The following ABL2 variants were observed in gnomAD, a reference collection of about 807,000 sequenced individuals.
ABL2 encodes tyrosine-protein kinase ABL2.
A neutral mutation model predicts 107.7 loss-of-function variants in ABL2; 49 were observed. That is an observed-to-expected ratio of 0.45 (90% confidence interval 0.36 to 0.58). The LOEUF is 0.58. Among genes scored for constraint, ABL2 ranks in the 20% least tolerant of loss-of-function variants. The pLI, the probability that ABL2 is intolerant of heterozygous loss-of-function variation, is 0.00. For missense variants in ABL2, 1,245 were observed against 1,457.0 expected, an observed-to-expected ratio of 0.85 and a Z score of 2.37; for synonymous variants, 549 against 548.6, an observed-to-expected ratio of 1.00 and a Z score of -0.01.
chr1:179,182,025 T>C (rs2102800217), intron 1 of ABL2, among the ~76,000 whole-genome samples: 1 of 146,588 alleles, frequency 6.8e-6, no homozygotes, highest in East Asian at 2.0e-4. Flanking sequence ...CTTGATCTCC[T>C]GACCTCATGA....
intron 3 of ABL2, among the ~76,000 whole-genome samples, chr1:179,129,684 A>G (rs1265113726): frequency 6.6e-6 from 1 of 151,186 alleles, no homozygotes; most frequent in Non-Finnish European, 1.5e-5. Context: ...TCTGTCTCAA[A>G]AAAAAAAAAA....
rs980810968 is a variant in ABL2, at chr1:179,145,594, C to T, written c.158-12220G>A. ...TGGAAAAGTGCATTACTTTAATGAA[C>T]GTGACAAACTAAGGCCAGAAGCAAA... On this transcript the variant is annotated intron_variant, in intron 1 of 11. Transcript: ENST00000502732. Among the ~76,000 whole-genome samples, 94 of 151,970 alleles carry T rather than the reference C, an allele frequency of 6.2e-4. 1 individual carries two copies. The highest frequency in any genetic ancestry group is 1.2e-4 in the Non-Finnish European group (8 of 68,000).
chr1:179,115,162 CTT>C lies in ABL2; in HGVS notation c.1409-134_1409-133del, dbSNP rs28913874. The C allele has an allele frequency of 2.3e-3, 1,630 of 705,034 alleles. 20 individuals are homozygous for C. In the African/African-American group the frequency reaches 0.026, roughly 11 times the overall value. The allele number at this position is 705,034 out of a possible 1,614,324, so 43.7% of individuals were successfully genotyped here. A position where few individuals can be genotyped will look rare whatever the true frequency, so the allele number is the denominator to read the frequency against. On this transcript the variant is annotated intron_variant, in intron 8 of 11. Transcript: ENST00000502732. The stretch of plus-strand genomic sequence containing the variant: ...CAACAACATTAATATATAATATACT[CTT>C]TTATCAATTCTTACAGCATGATTTG...
At chr1:179,186,345 G>A (rs1290040149) in intron 1 of ABL2, among the ~76,000 whole-genome samples, 1 of 152,098 alleles carries the variant, frequency 6.6e-6, no homozygotes, top group African/African-American at 2.4e-5. Context: ...GAGCGTGTGT[G>A]TTTGGGTTTA....
intron 3 of ABL2, among the ~76,000 whole-genome samples, chr1:179,128,188 A>G (rs2102651926): frequency 6.6e-6 from 1 of 152,284 alleles, no homozygotes; most frequent in Non-Finnish European, 1.5e-5. Flanking sequence ...CCTTAGACAC[A>G]TGGATATGAG....
chr1:179,193,455 G>A (rs1191017998), intron 1 of ABL2, among the ~76,000 whole-genome samples: 1 of 151,878 alleles, frequency 6.6e-6, no homozygotes, highest in Non-Finnish European at 1.5e-5. Context: ...TCAGGCTGGA[G>A]TGCAATGGCG....
intron 1 of ABL2, among the ~76,000 whole-genome samples, chr1:179,153,573 A>C (rs1380902952): frequency 1.3e-5 from 2 of 152,050 alleles, no homozygotes; most frequent in Non-Finnish European, 2.9e-5. Context: ...GCCTTCTCCT[A>C]TGTGTGTGTG....
At chr1:179,195,747 C>A (rs1661273794) in intron 1 of ABL2, among the ~76,000 whole-genome samples, 1 of 152,046 alleles carries the variant, frequency 6.6e-6, no homozygotes, top group South Asian at 2.1e-4. Flanking sequence ...CACAGATGTA[C>A]CTTGAAGATT....
intron 1 of ABL2, among the ~76,000 whole-genome samples, chr1:179,224,290 G>A (rs538487211): frequency 1.4e-4 from 22 of 151,884 alleles, no homozygotes; most frequent in African/African-American, 4.6e-4. Context: ...TTTTGGAGAC[G>A]GAGTCTTGCT....
At chr1:179,164,807 G>T (rs1034931851) in intron 1 of ABL2, among the ~76,000 whole-genome samples, 2 of 152,234 alleles carry the variant, frequency 1.3e-5, no homozygotes, top group Admixed American at 6.5e-5. Flanking sequence ...ATGTATCTGT[G>T]TAGAGTAGTC....
rs35362624 is a variant in ABL2, at chr1:179,191,413, C to CTTTTTT, written c.157+37822_157+37827dup. Among the ~76,000 whole-genome samples the CTTTTTT allele has an allele frequency of 1.4e-3, 111 of 77,166 alleles. 1 individual carries two copies. The highest frequency in any genetic ancestry group is 3.1e-3 in the East Asian group (7 of 2,266). The allele number at this position is 77,166 out of a possible 152,430, so 50.6% of individuals were successfully genotyped here. On this transcript the variant is annotated intron_variant, in intron 1 of 11. Transcript: ENST00000502732. ...ACCTTAATCTTTCTGTATGAAATCC[C>CTTTTTT]TTTTTTTTTTTTTTTTTTTTTTTTG...
intron 1 of ABL2, among the ~76,000 whole-genome samples, chr1:179,151,935 G>C (rs1658385034): frequency 6.6e-6 from 1 of 152,094 alleles, no homozygotes; most frequent in Non-Finnish European, 1.5e-5. Context: ...ATTTGCTCCT[G>C]GTAGAGTAGG....
chr1:179,181,222 AG>A (rs148668162), intron 1 of ABL2, among the ~76,000 whole-genome samples: 2,193 of 152,326 alleles, frequency 0.014, 48 homozygotes, highest in African/African-American at 0.048. Context: ...AAGATCAGCT[AG>A]GTAAAAATAG....
At chr1:179,153,400 T>C (rs951949424) in intron 1 of ABL2, among the ~76,000 whole-genome samples, 1 of 152,052 alleles carries the variant, frequency 6.6e-6, no homozygotes. Flanking sequence ...AAGTCTGAAA[T>C]GAGCAACACT....
chr1:179,111,320 C>G (rs1434809469), intron 10 of ABL2, among the ~76,000 whole-genome samples: 1 of 122,182 alleles, frequency 8.2e-6, no homozygotes, highest in Non-Finnish European at 1.6e-5. Flanking sequence ...GAGTCTTGCT[C>G]TGTTGCCCAG....
At chr1:179,201,882 A>C in intron 1 of ABL2, 2 of 1,327,320 alleles carry the variant, frequency 1.5e-6, no homozygotes, top group East Asian at 3.2e-5. Flanking sequence ...CCTCTACAAC[A>C]CCTCCATTGA....
At chr1:179,196,772 C>CAAAAAAAAAA (rs1404439308) in intron 1 of ABL2, among the ~76,000 whole-genome samples, 2 of 132,056 alleles carry the variant, frequency 1.5e-5, no homozygotes, top group Admixed American at 7.4e-5. Flanking sequence ...AAAAAACAAA[C>CAAAAAAAAAA]AAACAAAAAA....
intron 1 of ABL2, among the ~76,000 whole-genome samples, chr1:179,194,543 C>T (rs1355773007): frequency 6.6e-6 from 1 of 152,152 alleles, no homozygotes; most frequent in African/African-American, 2.4e-5. Context: ...TATCAACACA[C>T]TATTTACACA....
intron 1 of ABL2, among the ~76,000 whole-genome samples, chr1:179,226,659 C>T (rs1265541013): frequency 6.6e-6 from 1 of 152,118 alleles, no homozygotes; most frequent in African/African-American, 2.4e-5. Flanking sequence ...GCAGCAGCTA[C>T]ACACATTTAG....
Sources: allele counts gnomAD v4.1 joint callset (sites outside exome capture counted in the v4.1 genomes callset), GRCh38; gene constraint gnomAD v4.1.1; transcripts MANE v1.5; gene names NCBI Gene and HGNC (gene_info 2026-07-23, HGNC 2026-07-21).